Variants in PKP2 observed in about 807,000 individuals in gnomAD.
PKP2 encodes plakophilin 2.
PKP2 carries 73 observed loss-of-function variants against 83.4 expected under a neutral mutation model. The ratio of observed to expected loss-of-function variants is 0.88; its 90% confidence interval spans 0.72 to 1.06. The LOEUF is 1.06. Among genes scored for constraint, PKP2 ranks in the 50% least tolerant of loss-of-function variants. The pLI is 0.00. For synonymous variants in PKP2, 409 were observed against 430.4 expected (o/e 0.95, Z 0.62); for missense variants, 966 against 1,065.4 (o/e 0.91, Z 1.30).
chr12:32,875,426 T>C (rs964146108), intron 3 of PKP2, among the ~76,000 whole-genome samples: 1 of 152,098 alleles, frequency 6.6e-6, no homozygotes, highest in Non-Finnish European at 1.5e-5. Flanking sequence ...GTTTGGGTAT[T>C]GGTATGTGGG....
At position 32,883,832 on chromosome 12, in the gene PKP2, G is replaced by A. The variant is rs58537480; in HGVS notation, c.224-4800C>T. 7.7e-3 allele frequency among the ~76,000 whole-genome samples: 1,170 copies of A among 152,226 alleles called. 19 individuals carry two copies. Among genetic ancestry groups the A allele is most frequent in the African/African-American group, 0.026 (1,060 of 41,538 alleles). On this transcript the variant is annotated intron_variant, in intron 1 of 12. Transcript: ENST00000340811. ...TACCTGAGAAAGCATAGACTCAAAC[G>A]CTTTCAAAATTGTGAAGTGATGGGT...
At chr12:32,853,599 T>C (rs1291875726) in intron 4 of PKP2, among the ~76,000 whole-genome samples, 2 of 150,374 alleles carry the variant, frequency 1.3e-5, no homozygotes, top group African/African-American at 2.5e-5. Context: ...CTCCGCCCCC[T>C]GGGTTCAAGC....
intron 5 of PKP2, among the ~76,000 whole-genome samples, chr12:32,849,816 G>A (rs1480847247): frequency 6.6e-6 from 1 of 152,142 alleles, no homozygotes; most frequent in African/African-American, 2.4e-5. Flanking sequence ...AACATATCCA[G>A]TTACTCTTTT....
At chr12:32,839,741 A>G (rs193260106) in intron 6 of PKP2, among the ~76,000 whole-genome samples, 7 of 152,122 alleles carry the variant, frequency 4.6e-5, no homozygotes, top group Non-Finnish European at 7.4e-5. Context: ...TGGTAAGGCA[A>G]TGGGAGCTGG....
At chr12:32,793,427 C>T (rs1030824922) in intron 11 of PKP2, among the ~76,000 whole-genome samples, 3 of 151,620 alleles carry the variant, frequency 2.0e-5, no homozygotes, top group Non-Finnish European at 4.4e-5. Flanking sequence ...AAAATACATA[C>T]GATTTTGTGA....
intron 5 of PKP2, 133 bp from the exon 6 acceptor site, chr12:32,841,338 C>G: frequency 1.4e-6 from 1 of 707,472 alleles, no homozygotes; most frequent in South Asian, 1.6e-5. Flanking sequence ...GGGGGCCAGC[C>G]TCTTTCTCAA....
intron 1 of PKP2, among the ~76,000 whole-genome samples, chr12:32,879,610 C>T (rs370332732): frequency 1.8e-4 from 27 of 151,756 alleles, no homozygotes; most frequent in African/African-American, 5.8e-4. Flanking sequence ...GGGTGGATCA[C>T]CCGAGGTCAG....
rs149874432 is a variant in PKP2, at chr12:32,834,260, G to A, written c.1556+6768C>T. Among the ~76,000 whole-genome samples the A allele has an allele frequency of 2.0e-5, 3 of 152,236 alleles. No individual in the cohort carries two copies. In the East Asian group the frequency reaches 5.8e-4, roughly 29 times the overall value. The stretch of plus-strand genomic sequence containing the variant: ...GGTCCCATTCCCTTTTGAAATCTCA[G>A]AAATTTAAATAGTGGTTTGGATAGA... On this transcript the variant is annotated intron_variant, in intron 6 of 12. Coordinates refer to ENST00000340811, the MANE Select transcript of PKP2 (RefSeq NM_001005242.3).
Position 32,878,089 on chromosome 12 carries a change from G to A in PKP2, c.791C>T (p.Ala264Val), listed in dbSNP as rs62001016. 1.7e-3 allele frequency: 2,725 copies of A among 1,614,146 alleles called. 42 individuals carry two copies. In the African/African-American group the frequency reaches 0.032, roughly 19 times the overall value. ...CCTGACCTGCCCGACAGTGAGCCCT[G>A]CCGTCAGGTAGTTCTCCTTCTCCAA... is the stretch of plus-strand genomic sequence containing the variant. ...NLLEKENYLT[A>V]GLTVGQVRPL... The change falls in exon 3 of 13, where the codon GCA (alanine) becomes GTA (valine). Residue 264 changes from alanine (A) to valine (V), a missense_variant. Coordinates refer to ENST00000340811, the MANE Select transcript of PKP2 (RefSeq NM_001005242.3).
At chr12:32,849,149 C>T (rs1369778860) in intron 5 of PKP2, among the ~76,000 whole-genome samples, 1 of 151,836 alleles carries the variant, frequency 6.6e-6, no homozygotes, top group Non-Finnish European at 1.5e-5. Flanking sequence ...GTACGTATAT[C>T]GCTGAGACAT....
intron 3 of PKP2, among the ~76,000 whole-genome samples, chr12:32,873,736 G>A (rs1224285763): frequency 6.6e-6 from 1 of 151,558 alleles, no homozygotes; most frequent in East Asian, 2.0e-4. Flanking sequence ...CACCATGTTG[G>A]CCAGGCTGGT....
intron 9 of PKP2, among the ~76,000 whole-genome samples, chr12:32,812,053 C>T (rs990210167): frequency 6.7e-6 from 1 of 149,688 alleles, no homozygotes; most frequent in African/African-American, 2.5e-5. Context: ...TGCTTGCTTG[C>T]GTGGGGGAAA....
intron 4 of PKP2, 86 bp downstream of exon 4, chr12:32,868,837 TTAAA>T: frequency 7.0e-7 from 1 of 1,432,296 alleles, no homozygotes. Flanking sequence ...TTTTAAAAAT[TTAAA>T]TAAATTATTG....
intron 9 of PKP2, among the ~76,000 whole-genome samples, chr12:32,817,311 C>T (rs763050294): frequency 1.3e-5 from 2 of 152,176 alleles, no homozygotes; most frequent in Non-Finnish European, 2.9e-5. Context: ...ACGTTAAGAC[C>T]TCAAAATGTA....
chr12:32,824,040 A>G lies in PKP2; in HGVS notation c.1674+5T>C. On this transcript the variant is annotated splice_donor_5th_base_variant and intron_variant, in intron 7 of 12. Coordinates refer to ENST00000340811, the MANE Select transcript of PKP2 (RefSeq NM_001005242.3). The stretch of plus-strand genomic sequence containing the variant: ...ACAAAACAGGATATTTATCTCTTGA[A>G]TTACCTTGTCATCTGGCTGGTAATC... 1 of 1,508,844 alleles carries G rather than the reference A, an allele frequency of 6.6e-7. No individual in the cohort carries two copies. The highest frequency in any genetic ancestry group is 9.2e-7 in the Non-Finnish European group (1 of 1,085,128). The allele number at this position is 1,508,844 out of a possible 1,614,324, so 93.5% of individuals were successfully genotyped here. A position where few individuals can be genotyped will look rare whatever the true frequency, so the allele number is the denominator to read the frequency against.
chr12:32,853,300 T>A (rs1956717122), intron 4 of PKP2, among the ~76,000 whole-genome samples: 1 of 150,718 alleles, frequency 6.6e-6, no homozygotes, highest in Non-Finnish European at 1.5e-5. Context: ...GTAATGCGAA[T>A]ATTCCAAAAT....
intron 4 of PKP2, among the ~76,000 whole-genome samples, chr12:32,867,142 C>G (rs747861011): frequency 1.3e-5 from 2 of 152,134 alleles, no homozygotes; most frequent in Non-Finnish European, 2.9e-5. Flanking sequence ...GCCTGGGTAA[C>G]ATAGTGAGAC....
At chr12:32,796,437 C>T in intron 10 of PKP2, 139 bp from the exon 11 acceptor site, 1 of 761,518 alleles carries the variant, frequency 1.3e-6, no homozygotes, top group Non-Finnish European at 2.2e-6. Context: ...GGCTGGAGTG[C>T]AGTGGCACCA....
chr12:32,826,305 CAAAAAAA>C (rs71068338), intron 6 of PKP2, among the ~76,000 whole-genome samples: 1 of 84,678 alleles, frequency 1.2e-5, no homozygotes, highest in Non-Finnish European at 2.3e-5. Context: ...GACACCGTCT[CAAAAAAA>C]AAAAAAAAAA....
Sources: allele counts gnomAD v4.1 joint callset (sites outside exome capture counted in the v4.1 genomes callset), GRCh38; gene constraint gnomAD v4.1.1; transcripts MANE v1.5; gene names NCBI Gene and HGNC (gene_info 2026-07-23, HGNC 2026-07-21).